The following NTM variants were observed in gnomAD, a reference collection of about 807,000 sequenced individuals.
The protein encoded by NTM is neurotrimin, also known as IgLON family member 2.
Under a neutral mutation model 42.1 loss-of-function variants are expected in NTM, and 13 were observed. The ratio of observed to expected loss-of-function variants is 0.31; its 90% CI spans 0.20 to 0.49. NTM has a LOEUF of 0.49. NTM is among the 20% of genes least tolerant of loss of function. The pLI is 0.99. For synonymous variants in NTM, 187 were observed against 179.2 expected, an observed-to-expected ratio of 1.04 and a Z score of -0.35; for missense variants, 373 against 452.8, an observed-to-expected ratio of 0.82 and a Z score of 1.60.
chr11:131,615,980 C>T (rs910635324), intron 1 of NTM, among the ~76,000 whole-genome samples: 1 of 152,248 alleles, frequency 6.6e-6, no homozygotes, highest in Admixed American at 6.5e-5. Flanking sequence ...CAAGGCTAAG[C>T]GTGGCTGGGT....
intron 2 of NTM, among the ~76,000 whole-genome samples, chr11:131,964,795 A>G (rs1326313595): frequency 1.3e-5 from 2 of 152,316 alleles, no homozygotes; most frequent in Non-Finnish European, 1.5e-5. Context: ...ATTTTAATGC[A>G]GTATCACCAG....
intron 7 of NTM, chr11:132,314,993 T>C (rs2095389782): frequency 2.6e-6 from 3 of 1,165,530 alleles, no homozygotes; most frequent in Admixed American, 4.6e-5. Context: ...AAAAGGAAAA[T>C]GAAAAAGAAT....
chr11:131,905,967 AAAGTTCTC>A (rs2053801107), intron 1 of NTM, among the ~76,000 whole-genome samples: 1 of 152,186 alleles, frequency 6.6e-6, no homozygotes, highest in South Asian at 2.1e-4. Flanking sequence ...CAGCAATGAG[AAAGTTCTC>A]AAGGGCCTAT....
chr11:131,888,277 G>C (rs957090458), intron 1 of NTM, among the ~76,000 whole-genome samples: 1 of 152,026 alleles, frequency 6.6e-6, no homozygotes, highest in African/African-American at 2.4e-5. Context: ...CTCCAGCCTC[G>C]GCGACAGAGT....
At chr11:131,543,094 C>A (rs78681690) in intron 1 of NTM, among the ~76,000 whole-genome samples, 2 of 152,174 alleles carry the variant, frequency 1.3e-5, no homozygotes, top group African/African-American at 2.4e-5. Context: ...GCAGAGTGAA[C>A]GTATCTCCTA....
chr11:131,774,024 G>T (rs2086568529), intron 1 of NTM: 1 of 984,298 alleles, frequency 1.0e-6, no homozygotes, highest in South Asian at 4.7e-5. Flanking sequence ...AAACAAAATA[G>T]TCAATAGCCT....
At chr11:131,431,484 C>T (rs998553833) in intron 1 of NTM, among the ~76,000 whole-genome samples, 2 of 152,228 alleles carry the variant, frequency 1.3e-5, no homozygotes, top group African/African-American at 4.8e-5. Flanking sequence ...GTTGTCCTCT[C>T]ACCCAGTGCC....
chr11:132,231,317 AGTCTCCAT>A (rs2087510649), intron 4 of NTM, among the ~76,000 whole-genome samples: 1 of 152,192 alleles, frequency 6.6e-6, no homozygotes, highest in Non-Finnish European at 1.5e-5. Flanking sequence ...AGTGTTTCCA[AGTCTCCAT>A]GTCCCCTCAA....
intron 1 of NTM, among the ~76,000 whole-genome samples, chr11:131,454,706 G>C (rs1203906023): frequency 1.3e-5 from 2 of 149,488 alleles, no homozygotes; most frequent in East Asian, 1.9e-4. Flanking sequence ...GATGGGGAGA[G>C]GGGCGGGAGC....
At chr11:132,056,129 ACTC>A (rs1327865212) in intron 2 of NTM, among the ~76,000 whole-genome samples, 10 of 152,194 alleles carry the variant, frequency 6.6e-5, no homozygotes, top group African/African-American at 2.4e-4. Flanking sequence ...GAAATGATAA[ACTC>A]CTCCCATTGT....
At chr11:131,933,302 C>T (rs2058840031) in intron 2 of NTM, among the ~76,000 whole-genome samples, 1 of 152,182 alleles carries the variant, frequency 6.6e-6, no homozygotes, top group Non-Finnish European at 1.5e-5. Context: ...CCGCAGGCAT[C>T]ACCTGGGCTC....
intron 1 of NTM, chr11:131,546,816 A>G (rs1049588859): frequency 6.6e-6 from 1 of 152,280 alleles, no homozygotes; most frequent in African/African-American, 2.4e-5. Context: ...GAGGCCCGGA[A>G]AACTCTTCCT....
chr11:131,667,227 G>A (rs975043884), intron 1 of NTM, among the ~76,000 whole-genome samples: 1 of 152,070 alleles, frequency 6.6e-6, no homozygotes, highest in African/African-American at 2.4e-5. Context: ...GTGGATCCTG[G>A]CCTCTGCTTG....
intron 3 of NTM, among the ~76,000 whole-genome samples, chr11:132,172,832 T>C (rs541640107): frequency 6.6e-6 from 1 of 152,346 alleles, no homozygotes; most frequent in East Asian, 1.9e-4. Context: ...ACTTCTGCCC[T>C]TTGTTTCGAT....
intron 4 of NTM, among the ~76,000 whole-genome samples, chr11:132,229,531 T>C (rs2087027836): frequency 6.6e-6 from 1 of 152,240 alleles, no homozygotes; most frequent in Non-Finnish European, 1.5e-5. Context: ...AATATTTTCA[T>C]ATGTTCATTT....
chr11:131,996,383 C>T (rs79858922), intron 2 of NTM, among the ~76,000 whole-genome samples: 2,506 of 152,194 alleles, frequency 0.016, 72 homozygotes, highest in African/African-American at 0.057. Context: ...GAGATGGACG[C>T]GCTAGGCATA....
chr11:131,661,158 T>A, intron 1 of NTM: 1 of 653,294 alleles, frequency 1.5e-6, no homozygotes, highest in Non-Finnish European at 2.4e-6. Flanking sequence ...GTGGTGACTG[T>A]GGCTTTTGAG....
At chr11:131,727,202 G>A (rs1171710136) in intron 1 of NTM, among the ~76,000 whole-genome samples, 1 of 151,932 alleles carries the variant, frequency 6.6e-6, no homozygotes, top group Non-Finnish European at 1.5e-5. Context: ...GACAAATTGT[G>A]TGGTCCTCTT....
At chr11:131,739,079 C>T (rs1470140243) in intron 1 of NTM, among the ~76,000 whole-genome samples, 1 of 152,118 alleles carries the variant, frequency 6.6e-6, no homozygotes, top group Non-Finnish European at 1.5e-5. Flanking sequence ...CACTGCCAAG[C>T]TTACAGTCAC....
Sources: gnomAD v4.1 joint callset for allele counts (sites outside exome capture counted in the v4.1 genomes callset) on GRCh38, gnomAD v4.1.1 for gene constraint, MANE v1.5 for transcripts, NCBI Gene and HGNC (gene_info 2026-07-23, HGNC 2026-07-21) for gene names.